Variants in GRXCR2 observed in about 807,000 individuals in gnomAD.
GRXCR2 encodes the protein glutaredoxin and cysteine rich domain containing 2, also known as glutaredoxin domain-containing cysteine-rich protein 2.
Under a neutral mutation model 24.8 loss-of-function variants are expected in GRXCR2, and 23 were observed. That is an observed-to-expected ratio of 0.93 (90% CI 0.67 to 1.32). The LOEUF is 1.32. Ranked by LOEUF, GRXCR2 falls within the 40% of genes most tolerant of loss-of-function variation. The probability of loss-of-function intolerance (pLI) is 0.00; values close to 1 mark genes in which losing one functional copy is unlikely to be tolerated. For missense variants in GRXCR2, 315 were observed against 303.4 expected (o/e 1.04, Z -0.28); for synonymous variants, 130 against 116.1 (o/e 1.12, Z -0.77).
intron 2 of GRXCR2, among the ~76,000 whole-genome samples, chr5:145,895,836 C>A (rs1181046364): frequency 6.6e-6 from 1 of 152,084 alleles, no homozygotes; most frequent in African/African-American, 2.4e-5. Flanking sequence ...CAATCCTAAG[C>A]CAAAAGAACA....
intron 2 of GRXCR2, among the ~76,000 whole-genome samples, chr5:145,901,086 A>C (rs1757016664): frequency 6.6e-6 from 1 of 151,618 alleles, no homozygotes; most frequent in African/African-American, 2.4e-5. Flanking sequence ...TGTAAGTGGA[A>C]GGTAAATATC....
At chr5:145,893,495 G>A (rs75278518) in intron 2 of GRXCR2, among the ~76,000 whole-genome samples, 3,181 of 152,150 alleles carry the variant, frequency 0.021, 40 homozygotes, top group Middle Eastern at 0.048. Context: ...AGTCTCTGAT[G>A]AAACAGACTT....
intron 2 of GRXCR2, among the ~76,000 whole-genome samples, chr5:145,931,246 G>A (rs1007108396): frequency 1.3e-5 from 2 of 152,042 alleles, no homozygotes; most frequent in Admixed American, 6.6e-5. Flanking sequence ...TGCCCAGGCT[G>A]GTCTTGAACC....
intron 2 of GRXCR2, among the ~76,000 whole-genome samples, chr5:145,896,161 C>A (rs1756944812): frequency 1.3e-5 from 2 of 152,034 alleles, no homozygotes; most frequent in Admixed American, 6.6e-5. Context: ...AAATGTTAGA[C>A]CTAAAACCAT....
intron 2 of GRXCR2, among the ~76,000 whole-genome samples, chr5:145,906,152 C>G (rs1757087871): frequency 6.6e-6 from 1 of 152,158 alleles, no homozygotes; most frequent in Non-Finnish European, 1.5e-5. Context: ...AGGCACCCCT[C>G]CTTCCCTTCT....
At chr5:145,894,949 T>G (rs865918258) in intron 2 of GRXCR2, among the ~76,000 whole-genome samples, 2 of 152,084 alleles carry the variant, frequency 1.3e-5, no homozygotes, top group African/African-American at 2.4e-5. Context: ...GATCAAGTCG[T>G]CTTCATCCCT....
chr5:145,879,370 CAAAA>C (rs144743619), intron 2 of GRXCR2, among the ~76,000 whole-genome samples: 1 of 99,586 alleles, frequency 1.0e-5, no homozygotes, highest in Non-Finnish European at 2.1e-5. Context: ...AAATGCACAG[CAAAA>C]AAAAAAAAAA....
chr5:145,863,825 G>A (rs1007276049), intron 2 of GRXCR2, among the ~76,000 whole-genome samples: 1 of 152,178 alleles, frequency 6.6e-6, no homozygotes, highest in Non-Finnish European at 1.5e-5. Flanking sequence ...GAACATGAGA[G>A]AAGGTAATGG....
At chr5:145,860,335 C>T (rs1178910309) in intron 2 of GRXCR2, among the ~76,000 whole-genome samples, 1 of 152,176 alleles carries the variant, frequency 6.6e-6, no homozygotes, top group African/African-American at 2.4e-5. Flanking sequence ...CTAATCCTCA[C>T]AAAATCCCAG....
intron 2 of GRXCR2, among the ~76,000 whole-genome samples, chr5:145,923,147 G>T (rs1757348471): frequency 6.6e-6 from 1 of 152,222 alleles, no homozygotes; most frequent in African/African-American, 2.4e-5. Context: ...CAGGGTTTCT[G>T]ATTCAATAAG....
intron 2 of GRXCR2, 29 bp downstream of exon 2, chr5:145,866,472 G>T: frequency 1.3e-6 from 2 of 1,548,214 alleles, no homozygotes; most frequent in Non-Finnish European, 1.8e-6. Flanking sequence ...GGCCAGCTCC[G>T]AGCAGGACAG....
intron 2 of GRXCR2, among the ~76,000 whole-genome samples, chr5:145,909,009 G>A (rs1757126872): frequency 6.6e-6 from 1 of 152,154 alleles, no homozygotes; most frequent in Non-Finnish European, 1.5e-5. Flanking sequence ...TTTGCTGGGT[G>A]AGCTTAAGCA....
intron 2 of GRXCR2, among the ~76,000 whole-genome samples, chr5:145,910,721 A>G (rs546082181): frequency 1.3e-5 from 2 of 152,312 alleles, no homozygotes; most frequent in African/African-American, 4.8e-5. Context: ...ACATTGTGGT[A>G]AGTGCTATGA....
At chr5:145,859,978 T>A in intron 2 of GRXCR2, 63 bp from the exon 3 acceptor site, 1 of 1,355,574 alleles carries the variant, frequency 7.4e-7, no homozygotes, top group Non-Finnish European at 1.0e-6. Context: ...CACATGCAGG[T>A]CAAAACAGCA....
chr5:145,870,270 C>T (rs1434464385), intron 1 of GRXCR2, among the ~76,000 whole-genome samples: 2 of 152,080 alleles, frequency 1.3e-5, no homozygotes, highest in Non-Finnish European at 2.9e-5. Context: ...AACCACCATT[C>T]TACTTGCTGT....
At chr5:145,908,390 A>G (rs34191949) in intron 2 of GRXCR2, among the ~76,000 whole-genome samples, 4,307 of 152,220 alleles carry the variant, frequency 0.028, 70 homozygotes, top group Middle Eastern at 0.054. Flanking sequence ...GGAGCAAGGC[A>G]GGCAAAGAGA....
At chr5:145,901,905 A>G (rs1350962554) in intron 2 of GRXCR2, among the ~76,000 whole-genome samples, 1 of 152,164 alleles carries the variant, frequency 6.6e-6, no homozygotes, top group Non-Finnish European at 1.5e-5. Context: ...CAAGATCAGG[A>G]AGGGAGCTGT....
intron 2 of GRXCR2, among the ~76,000 whole-genome samples, chr5:145,910,618 A>G (rs1341130092): frequency 6.6e-6 from 1 of 152,152 alleles, no homozygotes; most frequent in Non-Finnish European, 1.5e-5. Flanking sequence ...CACTATTTCA[A>G]TGTCTGAGAT....
At chr5:145,926,851 T>G (rs1316366795) in intron 2 of GRXCR2, among the ~76,000 whole-genome samples, 2 of 152,238 alleles carry the variant, frequency 1.3e-5, no homozygotes, top group Non-Finnish European at 2.9e-5. Flanking sequence ...TGATTCTTCC[T>G]ACCCATGAGC....
Sources: allele counts gnomAD v4.1 joint callset (sites outside exome capture counted in the v4.1 genomes callset), GRCh38; gene constraint gnomAD v4.1.1; transcripts MANE v1.5; gene names NCBI Gene and HGNC (gene_info 2026-07-23, HGNC 2026-07-21).